Variants in CCNG2 observed in about 807,000 individuals in gnomAD.
The protein encoded by CCNG2 is cyclin G2.
Under a neutral mutation model 36.5 loss-of-function variants are expected in CCNG2, and 20 were observed. The observed-to-expected ratio is 0.55, with a 90% confidence interval of 0.39 to 0.80. CCNG2 has a LOEUF of 0.80. Ranked by LOEUF, CCNG2 falls within the 30% of genes least tolerant of loss-of-function variation. CCNG2 has a pLI of 0.00. For missense variants in CCNG2, 358 were observed against 390.8 expected (o/e 0.92, Z 0.71); for synonymous variants, 155 against 140.1 (o/e 1.11, Z -0.75).
chr4:77,161,733 A>G lies in CCNG2; in HGVS notation c.691A>G (p.Lys231Glu), dbSNP rs1322711341. 1 of 1,595,666 alleles carries G rather than the reference A, an allele frequency of 6.3e-7. No homozygotes were observed. Among genetic ancestry groups the G allele is most frequent in the East Asian group, 2.2e-5 (1 of 44,756 alleles). The change falls in exon 6 of 8, where the codon AAA becomes GAA. Residue 231 changes from lysine (K) to glutamate (E), a missense_variant. Lys to Glu is a moderately conservative substitution (Grantham distance 56). Coordinates refer to ENST00000316355, the MANE Select transcript of CCNG2 (RefSeq NM_004354.3). ...VELLEILLLV[K>E]KHSKINDTEF... ...ATTACTGGAAATTCTCTTGCTAGTTAAAAAACATTCCAAGGTAATTACAGT... is the reference window on the plus strand; with the variant it reads ...ATTACTGGAAATTCTCTTGCTAGTTGAAAAACATTCCAAGGTAATTACAGT...
chr4:77,160,971 G>C lies in CCNG2; in HGVS notation c.527G>C (p.Arg176Thr). Residue 176 changes from arginine to threonine, a missense_variant and splice_region_variant, in exon 4 of 8, where the codon AGG becomes ACG. Physicochemically the swap from Arg to Thr is moderately conservative, Grantham distance 71. Transcript: ENST00000316355. ...HTIILCHTSE[R>T]KEILSLDKLE... is the part of the protein sequence containing the mutation. ...ATTATACTTTGTCATACTTCAGAAAGGTCAGTGGGATTAAAGATACATTTT... is the reference window on the plus strand; with the variant it reads ...ATTATACTTTGTCATACTTCAGAAACGTCAGTGGGATTAAAGATACATTTT... The C allele has an allele frequency of 6.3e-7, 1 of 1,596,834 alleles. No individual in the cohort carries two copies. Among genetic ancestry groups the C allele is most frequent in the Non-Finnish European group, 8.5e-7 (1 of 1,175,418 alleles).
intron 6 of CCNG2, among the ~76,000 whole-genome samples, chr4:77,162,310 G>A (rs923111578): frequency 5.3e-5 from 8 of 151,790 alleles, no homozygotes; most frequent in African/African-American, 1.9e-4. Context: ...ACATGAAGTG[G>A]TGTGTTCTGT....
At chr4:77,159,566 G>T (rs1731370313) in intron 3 of CCNG2, 62 bp downstream of exon 3, 2 of 1,503,982 alleles carry the variant, frequency 1.3e-6, no homozygotes, top group Middle Eastern at 1.8e-4. Context: ...AGCACACAGG[G>T]TTCAAGAAAT....
rs1249487926 is a variant in CCNG2, at chr4:77,167,155, C to T, written c.*1231C>T. Reference sequence around the variant, plus strand: ...ATCCGTTGGATGTTTTCTGAAGTGGCTCTTTTTGAAGTGATAATAGATTGT... The same window carrying T: ...ATCCGTTGGATGTTTTCTGAAGTGGTTCTTTTTGAAGTGATAATAGATTGT... On this transcript the variant is annotated 3_prime_UTR_variant, in exon 8 of 8. Transcript: ENST00000316355. The T allele has an allele frequency of 6.6e-6, 1 of 152,110 alleles. No individual in the cohort carries two copies. Among genetic ancestry groups the T allele is most frequent in the Non-Finnish European group, 1.5e-5 (1 of 68,010 alleles). The allele number at this position is 152,110 out of a possible 1,614,324, so 9.4% of individuals were successfully genotyped here.
chr4:77,163,256 T>C (rs1731535558), intron 6 of CCNG2, among the ~76,000 whole-genome samples: 2 of 152,048 alleles, frequency 1.3e-5, no homozygotes, highest in African/African-American at 4.8e-5. Flanking sequence ...AGGAGCCAAG[T>C]GAAGAAAGGT....
chr4:77,162,677 C>T (rs1335426013), intron 6 of CCNG2, among the ~76,000 whole-genome samples: 2 of 152,006 alleles, frequency 1.3e-5, no homozygotes, highest in Admixed American at 6.6e-5. Flanking sequence ...AGCCACTGTG[C>T]CCGGCTTACT....
At chr4:77,160,428 C>G (rs1054507192) in intron 3 of CCNG2, among the ~76,000 whole-genome samples, 7 of 148,416 alleles carry the variant, frequency 4.7e-5, no homozygotes, top group Middle Eastern at 3.5e-3. Flanking sequence ...CTATGTTGGC[C>G]AGAGTGTTCT....
At chr4:77,165,188 C>T (rs1253081046) in intron 7 of CCNG2, among the ~76,000 whole-genome samples, 1 of 152,122 alleles carries the variant, frequency 6.6e-6, no homozygotes, top group East Asian at 1.9e-4. Context: ...ATTTTCATAG[C>T]TTGTTAGTTT....
chr4:77,158,786 T>C, intron 2 of CCNG2, 116 bp downstream of exon 2: 1 of 1,014,274 alleles, frequency 9.9e-7, no homozygotes, highest in East Asian at 2.6e-5. Flanking sequence ...AAGTTGTTCT[T>C]TCTGGAGTAC....
rs977660530 is a variant in CCNG2, at chr4:77,166,850, A to G, written c.*926A>G. The G allele has an allele frequency of 5.9e-5, 9 of 152,188 alleles. No homozygotes were observed. Among genetic ancestry groups the G allele is most frequent in the Non-Finnish European group, 4.4e-5 (3 of 68,018 alleles). The allele number at this position is 152,188 out of a possible 1,614,324, so 9.4% of individuals were successfully genotyped here. A position where few individuals can be genotyped will look rare whatever the true frequency, so the allele number is the denominator to read the frequency against. On this transcript the variant is annotated 3_prime_UTR_variant, in exon 8 of 8. Transcript: ENST00000316355. ...TGGGTGCCAAGATTGAATATGAAGA[A>G]CCCGAGTGTTTGTAGTATTATAGTT...
rs1014107534 is a variant in CCNG2 at position 77,160,633 on chromosome 4, T to C, written c.277-88T>C. 6 of 1,316,296 alleles carry C rather than the reference T, an allele frequency of 4.6e-6. No homozygotes were observed. The African/African-American group carries it at 8.9e-5, about 19-fold the overall frequency. The allele number at this position is 1,316,296 out of a possible 1,614,324, so 81.5% of individuals were successfully genotyped here. ...AGAAACAACTTGATTGTGTTCTGTC[T>C]TAAGAATAGGAGCATCATTACAATA... On this transcript the variant is annotated intron_variant, in intron 3 of 7. Transcript: ENST00000316355.
At chr4:77,164,503 A>AC in intron 7 of CCNG2, 24 bp downstream of exon 7, 1 of 1,547,762 alleles carries the variant, frequency 6.5e-7, no homozygotes, top group Non-Finnish European at 8.9e-7. Flanking sequence ...TTGACTAATT[A>AC]AACTTCCCTA....
chr4:77,164,177 C>A, intron 6 of CCNG2, 97 bp from the exon 7 acceptor site: 1 of 766,780 alleles, frequency 1.3e-6, no homozygotes, highest in Non-Finnish European at 2.1e-6. Flanking sequence ...AGCCAGGCAT[C>A]TATATATATA....
At chr4:77,161,097 A>ATATTT in intron 4 of CCNG2, 126 bp downstream of exon 4, 4 of 475,132 alleles carry the variant, frequency 8.4e-6, no homozygotes, top group Non-Finnish European at 1.3e-5. Flanking sequence ...TTATTGGTAA[A>ATATTT]TCTTTTTTTT....
In CCNG2 at chr4:77,159,549, A is replaced by T. The variant is rs556267074; in HGVS notation, c.276+45A>T. On this transcript the variant is annotated intron_variant, in intron 3 of 7. Coordinates refer to ENST00000316355, the MANE Select transcript of CCNG2 (RefSeq NM_004354.3). ...AATATGTCTTCCTTTTTCTATGCCC[A>T]GTGCCTAGCACACAGGGTTCAAGAA... 66 of 1,585,280 alleles carry T rather than the reference A, an allele frequency of 4.2e-5. 1 individual carries two copies. The South Asian group carries it at 7.2e-4, about 17-fold the overall frequency.
In CCNG2 at chr4:77,166,058, C is replaced by T. The variant is rs1310467215; in HGVS notation, c.*134C>T. ...GAATACCTACCTTCTATTTGTTATT[C>T]AGATCAGATCTGGCCTATTTTCATA... On this transcript the variant is annotated 3_prime_UTR_variant, in exon 8 of 8. Coordinates refer to ENST00000316355, the MANE Select transcript of CCNG2 (RefSeq NM_004354.3). 2 of 790,798 alleles carry T rather than the reference C, an allele frequency of 2.5e-6. No homozygotes were observed. The highest frequency in any genetic ancestry group is 3.4e-5 in the Admixed American group (1 of 29,172). 49.0% of individuals were successfully genotyped at this position (790,798 alleles called of 1,614,324 possible).
intron 7 of CCNG2, 193 bp downstream of exon 7, chr4:77,164,672 CCT>C (rs1325263808): frequency 2.0e-6 from 1 of 497,784 alleles, no homozygotes; most frequent in Non-Finnish European, 3.5e-6. Flanking sequence ...TTTATAAGGT[CCT>C]CTCCAATTTT....
In CCNG2 at chr4:77,168,907, G is replaced by A. The variant is rs1731697035; in HGVS notation, c.*2983G>A. ...CCCCCGTTGACTTGGCGAGAGATTT[G>A]ACCTTTCAGGTTTTGATCCTGTCAT... On this transcript the variant is annotated 3_prime_UTR_variant, in exon 8 of 8. Coordinates refer to ENST00000316355, the MANE Select transcript of CCNG2 (RefSeq NM_004354.3). 1 of 152,240 alleles carries A rather than the reference G, an allele frequency of 6.6e-6. No individual in the cohort carries two copies. The highest frequency in any genetic ancestry group is 1.5e-5 in the Non-Finnish European group (1 of 68,066). The allele number at this position is 152,240 out of a possible 1,614,324, so 9.4% of individuals were successfully genotyped here.
chr4:77,158,666 C>A lies in CCNG2; in HGVS notation c.134C>A (p.Pro45Gln). 1 of 1,613,998 alleles carries A rather than the reference C, an allele frequency of 6.2e-7. No individual in the cohort carries two copies. Among genetic ancestry groups the A allele is most frequent in the Non-Finnish European group, 8.5e-7 (1 of 1,179,968 alleles). Reference protein sequence around the residue: ...EKGLSLIEATPENDNTLCPGL... With the variant: ...EKGLSLIEATQENDNTLCPGL... ...GGGCTGAGTTTGATTGAGGCTACCC[C>A]GGAGGTAAGTTGGCAGAAAAGATAA... Residue 45 changes from proline (P) to glutamine (Q), a missense_variant, in exon 2 of 8, where the codon CCG becomes CAG. Coordinates refer to ENST00000316355, the MANE Select transcript of CCNG2 (RefSeq NM_004354.3).
Sources: gnomAD v4.1 joint callset for allele counts (sites outside exome capture counted in the v4.1 genomes callset) on GRCh38, gnomAD v4.1.1 for gene constraint, MANE v1.5 for transcripts, NCBI Gene and HGNC (gene_info 2026-07-23, HGNC 2026-07-21) for gene names.